The following CSMD2 variants were observed in gnomAD, a reference collection of about 807,000 sequenced individuals.
The protein encoded by CSMD2 is CUB and sushi domain-containing protein 2.
Under a neutral mutation model 398.5 loss-of-function variants are expected in CSMD2, and 130 were observed. The ratio of observed to expected loss-of-function variants is 0.33; its 90% CI spans 0.28 to 0.38. The LOEUF (loss-of-function observed/expected upper bound fraction) is 0.38, where lower values mean the gene tolerates loss of function less well. Ranked by LOEUF, CSMD2 falls within the 10% of genes least tolerant of loss-of-function variation. The probability of loss-of-function intolerance (pLI) is 1.00; values close to 1 mark genes in which losing one functional copy is unlikely to be tolerated. For missense variants in CSMD2, 3,829 were observed against 4,764.9 expected (o/e 0.80, Z 5.78); for synonymous variants, 1,828 against 1,908.5 (o/e 0.96, Z 1.10).
chr1:33,653,252 C>T (rs570482142), intron 27 of CSMD2, among the ~76,000 whole-genome samples: 11 of 152,266 alleles, frequency 7.2e-5, no homozygotes, highest in East Asian at 1.9e-4. Flanking sequence ...GGTTGATAGA[C>T]GGAGCCGGCA....
intron 1 of CSMD2, among the ~76,000 whole-genome samples, chr1:34,116,530 C>G (rs963823014): frequency 1.3e-5 from 2 of 151,888 alleles, no homozygotes; most frequent in African/African-American, 4.8e-5. Context: ...GAAAAATAGA[C>G]AGTAACATGA....
At position 33,739,320 on chromosome 1, in the gene CSMD2, C is replaced by G. The variant is rs1356557694; in HGVS notation, c.2188G>C (p.Glu730Gln). The G allele has an allele frequency of 1.5e-5, 24 of 1,613,164 alleles. No individual in the cohort carries two copies. The highest frequency in any genetic ancestry group is 1.9e-5 in the Non-Finnish European group (23 of 1,179,542). ...ACTGGAACGCCAGGATCCGGGCACT[C>G]GTTGTGTCGGAAGGCTGTGTAGATG... The part of the protein sequence containing the change: ...NITFTTFRHN[E>Q]CPDPGVPVNG... The change falls in exon 15 of 71, where the codon GAG (glutamate) becomes CAG (glutamine). Residue 730 changes from glutamate (E) to glutamine (Q), a missense_variant. Glu to Gln is a conservative substitution (Grantham distance 29). Transcript: ENST00000373381.
chr1:34,091,290 TTGTTTGTATTTACTTAG>T (rs1412130123), intron 1 of CSMD2, among the ~76,000 whole-genome samples: 1 of 152,196 alleles, frequency 6.6e-6, no homozygotes, highest in Admixed American at 6.5e-5. Flanking sequence ...ATTTAATATT[TTGTTTGTATTTACTTAG>T]TGTTTGGCTA....
chr1:33,638,705 A>G (rs1642943201), intron 29 of CSMD2, among the ~76,000 whole-genome samples: 1 of 152,166 alleles, frequency 6.6e-6, no homozygotes, highest in South Asian at 2.1e-4. Flanking sequence ...CTCCAACGAC[A>G]CTGGCCTCTG....
At chr1:33,542,943 T>G in intron 57 of CSMD2, 47 bp from the exon 58 acceptor site, 12 of 1,559,472 alleles carry the variant, frequency 7.7e-6, no homozygotes, top group Non-Finnish European at 1.1e-5. Context: ...ATGGTGGGTA[T>G]CACCTAGGGG....
intron 64 of CSMD2, among the ~76,000 whole-genome samples, chr1:33,532,249 G>C (rs1655310183): frequency 6.6e-6 from 1 of 152,186 alleles, no homozygotes; most frequent in Non-Finnish European, 1.5e-5. Flanking sequence ...CTATGCCCTA[G>C]TTTCCTCATA....
chr1:33,809,010 T>C (rs1439288803), intron 10 of CSMD2, among the ~76,000 whole-genome samples: 3 of 151,450 alleles, frequency 2.0e-5, no homozygotes, highest in Non-Finnish European at 4.4e-5. Context: ...AATAATTCTC[T>C]AGCCATTACA....
chr1:33,600,840 C>T, intron 44 of CSMD2, 25 bp downstream of exon 44: 4 of 1,612,994 alleles, frequency 2.5e-6, no homozygotes, highest in Non-Finnish European at 3.4e-6. Context: ...TGGCCCTTCC[C>T]ACCAGGCCAG....
intron 3 of CSMD2, among the ~76,000 whole-genome samples, chr1:33,976,636 A>G (rs998418603): frequency 1.3e-5 from 2 of 152,108 alleles, no homozygotes; most frequent in Non-Finnish European, 2.9e-5. Context: ...GAGTCTCCTT[A>G]TTCCAAATCT....
chr1:34,094,573 G>A (rs1659048295), intron 1 of CSMD2, among the ~76,000 whole-genome samples: 2 of 151,986 alleles, frequency 1.3e-5, no homozygotes, highest in East Asian at 1.9e-4. Flanking sequence ...GATCTACCAA[G>A]AAAATGGAAA....
intron 48 of CSMD2, 53 bp downstream of exon 48, chr1:33,580,700 T>G: frequency 6.2e-7 from 1 of 1,603,398 alleles, no homozygotes; most frequent in Non-Finnish European, 8.5e-7. Context: ...CAGAGGAGCT[T>G]GAGGCTTCGA....
intron 10 of CSMD2, among the ~76,000 whole-genome samples, chr1:33,797,049 A>C (rs762000111): frequency 6.6e-6 from 1 of 152,162 alleles, no homozygotes; most frequent in Non-Finnish European, 1.5e-5. Context: ...TCTGTTGTTT[A>C]AGATGTTTAT....
chr1:34,019,304 T>C (rs549902571), intron 3 of CSMD2, among the ~76,000 whole-genome samples: 1 of 152,318 alleles, frequency 6.6e-6, no homozygotes, highest in Admixed American at 6.5e-5. Flanking sequence ...TCCACCCACA[T>C]CACTCACAAC....
intron 1 of CSMD2, among the ~76,000 whole-genome samples, chr1:34,150,918 T>C (rs889473095): frequency 2.0e-5 from 3 of 151,814 alleles, no homozygotes; most frequent in Admixed American, 6.6e-5. Context: ...AGACTCTGCC[T>C]ATAAAAAAGA....
intron 39 of CSMD2, among the ~76,000 whole-genome samples, chr1:33,614,856 T>A (rs2148850614): frequency 6.6e-6 from 1 of 152,368 alleles, no homozygotes; most frequent in Admixed American, 6.5e-5. Flanking sequence ...ACCCAAGTTA[T>A]GGACTCTTGA....
At position 33,540,717 on chromosome 1, in the gene CSMD2, AG is replaced by A; in HGVS notation, c.9458-20del. 1 of 1,613,824 alleles carries A rather than the reference AG, an allele frequency of 6.2e-7. No homozygotes were observed. The highest frequency in any genetic ancestry group is 8.5e-7 in the Non-Finnish European group (1 of 1,179,820). On this transcript the variant is annotated intron_variant, in intron 59 of 70. Coordinates refer to ENST00000373381, the MANE Select transcript of CSMD2 (RefSeq NM_001281956.2). ...ATGAGAGCTGGAGGGAGACCAAAGC[AG>A]GCTGAGTTCTGATGCTGTCCTGGGA...
At chr1:33,937,919 C>G (rs1159333384) in intron 3 of CSMD2, among the ~76,000 whole-genome samples, 1 of 152,236 alleles carries the variant, frequency 6.6e-6, no homozygotes. Context: ...GGGCGTGGGC[C>G]TAGTCTGGTT....
chr1:33,837,446 CT>C (rs1238622662), intron 6 of CSMD2, among the ~76,000 whole-genome samples: 1 of 96,226 alleles, frequency 1.0e-5, no homozygotes, highest in Non-Finnish European at 1.9e-5. Context: ...TACTGAACCA[CT>C]TGTCTGTAAA....
intron 3 of CSMD2, among the ~76,000 whole-genome samples, chr1:34,029,166 A>G (rs1650092029): frequency 6.6e-6 from 1 of 152,176 alleles, no homozygotes; most frequent in Admixed American, 6.5e-5. Flanking sequence ...CCTAGGCTGG[A>G]AGTGGGGGCC....
Sources: gnomAD v4.1 joint callset for allele counts (sites outside exome capture counted in the v4.1 genomes callset) on GRCh38, gnomAD v4.1.1 for gene constraint, MANE v1.5 for transcripts, NCBI Gene and HGNC (gene_info 2026-07-23, HGNC 2026-07-21) for gene names.